Variants in ZBTB16 observed in about 807,000 individuals in gnomAD.
ZBTB16 encodes the protein zinc finger and BTB domain containing 16, also known as zinc finger and BTB domain-containing protein 16.
In ZBTB16, 8 loss-of-function variants were observed where a neutral mutation model predicts 56.8. The ratio of observed to expected loss-of-function variants is 0.14; its 90% CI spans 0.08 to 0.25. ZBTB16 has a LOEUF of 0.25. ZBTB16 is among the 10% of genes least tolerant of loss of function. ZBTB16 has a pLI of 1.00. For missense variants in ZBTB16, 625 were observed against 903.0 expected (o/e 0.69, Z 3.95); for synonymous variants, 363 against 368.5 (o/e 0.98, Z 0.17).
At chr11:114,107,422 T>C (rs1940833623) in intron 2 of ZBTB16, among the ~76,000 whole-genome samples, 1 of 152,206 alleles carries the variant, frequency 6.6e-6, no homozygotes, top group South Asian at 2.1e-4. Flanking sequence ...TCCCCAGTGA[T>C]GAAATGCTTG....
intron 2 of ZBTB16, among the ~76,000 whole-genome samples, chr11:114,154,541 G>A (rs1208616342): frequency 6.6e-6 from 1 of 152,206 alleles, no homozygotes; most frequent in Non-Finnish European, 1.5e-5. Context: ...TAGGTATGTA[G>A]TTTAAAAGAT....
At chr11:114,184,127 T>TATCC (rs1943313135) in intron 3 of ZBTB16, among the ~76,000 whole-genome samples, 2 of 152,252 alleles carry the variant, frequency 1.3e-5, no homozygotes, top group Admixed American at 6.5e-5. Flanking sequence ...ATCACCCACT[T>TATCC]ATCCAGCCAG....
intron 2 of ZBTB16, among the ~76,000 whole-genome samples, chr11:114,090,775 C>T (rs1013457738): frequency 2.6e-5 from 4 of 152,188 alleles, no homozygotes; most frequent in Admixed American, 2.0e-4. Flanking sequence ...CCCATGGGTT[C>T]CCTGCTGCCC....
At chr11:114,243,861 G>A (rs1229298593) in intron 5 of ZBTB16, among the ~76,000 whole-genome samples, 1 of 152,150 alleles carries the variant, frequency 6.6e-6, no homozygotes, top group Non-Finnish European at 1.5e-5. Flanking sequence ...CTCTGACCAT[G>A]CCACCTTCTC....
In ZBTB16 at chr11:114,253,468, C is replaced by T. The variant is rs114163581; in HGVS notation, c.*2913C>T. ...CCCTTTGTACATGTATGTGCGTGTG[C>T]GCGTGTGCTTTGTGTGTGTGGTTGT... On this transcript the variant is annotated 3_prime_UTR_variant, in exon 7 of 7. Coordinates refer to ENST00000335953, the MANE Select transcript of ZBTB16 (RefSeq NM_006006.6). 6.1e-4 allele frequency among the ~76,000 whole-genome samples: 93 copies of T among 152,268 alleles called. No individual in the cohort carries two copies. Among genetic ancestry groups the T allele is most frequent in the African/African-American group, 2.0e-3 (84 of 41,554 alleles).
chr11:114,066,491 G>C (rs1939122885), intron 2 of ZBTB16, among the ~76,000 whole-genome samples: 1 of 152,156 alleles, frequency 6.6e-6, no homozygotes, highest in Non-Finnish European at 1.5e-5. Flanking sequence ...TTTCGGCTGT[G>C]TGCTATGAGA....
chr11:114,111,398 C>T (rs1216724285), intron 2 of ZBTB16, among the ~76,000 whole-genome samples: 1 of 152,104 alleles, frequency 6.6e-6, no homozygotes, highest in Non-Finnish European at 1.5e-5. Flanking sequence ...TTCTGAAATC[C>T]CCCTTTTCTT....
intron 2 of ZBTB16, among the ~76,000 whole-genome samples, chr11:114,075,983 G>C (rs1939547486): frequency 6.6e-6 from 1 of 152,116 alleles, no homozygotes; most frequent in African/African-American, 2.4e-5. Context: ...GAACTTTTCT[G>C]CCTGCCTCTT....
chr11:114,170,823 G>T (rs1942944505), intron 3 of ZBTB16, among the ~76,000 whole-genome samples: 1 of 152,150 alleles, frequency 6.6e-6, no homozygotes, highest in Non-Finnish European at 1.5e-5. Flanking sequence ...GGTAACTCCG[G>T]GTAAAGACAG....
At chr11:114,137,327 C>G (rs56411814) in intron 2 of ZBTB16, among the ~76,000 whole-genome samples, 1 of 152,174 alleles carries the variant, frequency 6.6e-6, no homozygotes, top group East Asian at 1.9e-4. Context: ...CCACTCATAC[C>G]GCTGCCCTCT....
chr11:114,167,231 GGTTTTTTTTTTTT>G lies in ZBTB16; in HGVS notation c.1366+10798_1366+10810del, dbSNP rs1942789273. Among the ~76,000 whole-genome samples, 11 of 43,206 alleles carry G rather than the reference GGTTTTTTTTTTTT, an allele frequency of 2.5e-4. No homozygotes were observed. In the South Asian group the frequency reaches 0.015, roughly 57 times the overall value. The allele number at this position is 43,206 out of a possible 152,430, so 28.3% of individuals were successfully genotyped here. ...TGGATTTGTGGTTTTTTTTTTTTTT[GGTTTTTTTTTTTT>G]TTTTTTTTTGACAAGCTTGGTTTTC... On this transcript the variant is annotated intron_variant, in intron 3 of 6. Coordinates refer to ENST00000335953, the MANE Select transcript of ZBTB16 (RefSeq NM_006006.6).
intron 3 of ZBTB16, among the ~76,000 whole-genome samples, chr11:114,163,062 G>A (rs143805595): frequency 4.2e-4 from 64 of 152,272 alleles, no homozygotes; most frequent in African/African-American, 1.5e-3. Context: ...CTTGACTACC[G>A]TCCAAGCCCG....
chr11:114,133,545 CG>C, intron 2 of ZBTB16, among the ~76,000 whole-genome samples: 1 of 152,330 alleles, frequency 6.6e-6, no homozygotes, highest in South Asian at 2.1e-4. Flanking sequence ...GCTTGAGCTT[CG>C]GCTGAAGCCC....
chr11:114,092,424 T>C (rs1263641435), intron 2 of ZBTB16, among the ~76,000 whole-genome samples: 2 of 152,202 alleles, frequency 1.3e-5, no homozygotes, highest in Non-Finnish European at 2.9e-5. Context: ...CTCGATCCTC[T>C]TGTTGTGTGG....
chr11:114,226,052 C>G (rs1653933667), intron 4 of ZBTB16, among the ~76,000 whole-genome samples: 1 of 152,172 alleles, frequency 6.6e-6, no homozygotes, highest in South Asian at 2.1e-4. Context: ...CACCGAGGCT[C>G]TTTGCTTTGT....
intron 2 of ZBTB16, among the ~76,000 whole-genome samples, chr11:114,118,774 G>C (rs895402092): frequency 6.6e-6 from 1 of 152,142 alleles, no homozygotes; most frequent in Non-Finnish European, 1.5e-5. Context: ...TGAGTGAGGG[G>C]TTATGAAGAG....
chr11:114,073,391 C>T (rs1174865115), intron 2 of ZBTB16, among the ~76,000 whole-genome samples: 1 of 152,204 alleles, frequency 6.6e-6, no homozygotes, highest in East Asian at 1.9e-4. Flanking sequence ...CTGTTAATTT[C>T]ATGCCAGCAT....
intron 2 of ZBTB16, among the ~76,000 whole-genome samples, chr11:114,084,836 G>A (rs1487603058): frequency 6.6e-6 from 1 of 152,236 alleles, no homozygotes; most frequent in Non-Finnish European, 1.5e-5. Flanking sequence ...GGTCTGGTTA[G>A]CAAAGGGTTA....
At chr11:114,134,435 G>A (rs920265600) in intron 2 of ZBTB16, among the ~76,000 whole-genome samples, 2 of 151,942 alleles carry the variant, frequency 1.3e-5, no homozygotes, top group African/African-American at 4.8e-5. Context: ...GAGAGCTTTT[G>A]GTATCACAGG....
Sources: allele counts gnomAD v4.1 joint callset (sites outside exome capture counted in the v4.1 genomes callset), GRCh38; gene constraint gnomAD v4.1.1; transcripts MANE v1.5; gene names NCBI Gene and HGNC (gene_info 2026-07-23, HGNC 2026-07-21).